KDM5C: variants seen among roughly 807,000 people sequenced by gnomAD.
The protein encoded by KDM5C is lysine demethylase 5C.
KDM5C carries 16 observed loss-of-function variants against 110.6 expected under a neutral mutation model. The observed-to-expected ratio is 0.14, with a 90% confidence interval of 0.10 to 0.22. The LOEUF (loss-of-function observed/expected upper bound fraction) is 0.22, where lower values mean the gene tolerates loss of function less well. KDM5C is among the 10% of genes least tolerant of loss of function. The pLI is 1.00. For synonymous variants in KDM5C, 511 were observed against 520.4 expected (o/e 0.98, Z 0.24); for missense variants, 681 against 1,300.9 (o/e 0.52, Z 7.33).
Position 53,198,617 on chromosome X carries a change from G to T in KDM5C, c.2389C>A (p.Leu797Ile). The change falls in exon 17 of 26, where the codon CTA becomes ATA. Residue 797 changes from leucine to isoleucine, a missense_variant. Physicochemically the swap from Leu to Ile is conservative, Grantham distance 5. Around this residue, in one of 14 missense-constraint regions of KDM5C, gnomAD observed 123 missense variants for 169.0 expected, o/e 0.73. Coordinates refer to ENST00000375401, the MANE Select transcript of KDM5C (RefSeq NM_004187.5). ...CTCCGCTCACGGGCTTCAGACTCTA[G>T]TGCCCTCAGTTCTTCAAGGCCTGGA... The part of the protein sequence containing the change: ...RKRSLEELRA[L>I]ESEARERRFP... The T allele has an allele frequency of 8.3e-7, 1 of 1,211,989 alleles. No homozygotes were observed. Among genetic ancestry groups the T allele is most frequent in the Non-Finnish European group, 1.1e-6 (1 of 895,570 alleles).
At chrX:53,220,955 C>A in intron 1 of KDM5C, 39 bp from the exon 2 acceptor site, 1 of 1,115,630 alleles carries the variant, frequency 9.0e-7, no homozygotes, top group Non-Finnish European at 1.2e-6. Context: ...TGAGTTATCT[C>A]AGCATAGTGT....
chrX:53,200,643 C>T (rs2073111715), intron 14 of KDM5C, among the ~76,000 whole-genome samples: 1 of 112,043 alleles, frequency 8.9e-6, no homozygotes, highest in African/African-American at 3.2e-5. Flanking sequence ...ATAGCCCACA[C>T]TCACAGGAAA....
At chrX:53,206,584 C>A (rs902211841) in intron 12 of KDM5C, among the ~76,000 whole-genome samples, 1 of 111,194 alleles carries the variant, frequency 9.0e-6, no homozygotes, top group Non-Finnish European at 1.9e-5. Flanking sequence ...AATTCTTTTG[C>A]TGGGCACGGT....
chrX:53,210,135 C>A (rs1027742586), intron 12 of KDM5C, among the ~76,000 whole-genome samples: 8 of 112,509 alleles, frequency 7.1e-5, no homozygotes, highest in Non-Finnish European at 1.5e-4. Flanking sequence ...TGCACTTCCC[C>A]ACTTCCCTCT....
intron 25 of KDM5C, among the ~76,000 whole-genome samples, chrX:53,180,666 G>A (rs782050067): frequency 1.9e-5 from 2 of 103,232 alleles, no homozygotes; most frequent in Non-Finnish European, 3.9e-5. Flanking sequence ...GGGTTCAAGC[G>A]ATTATCTTGC....
At chrX:53,211,979 A>G in intron 8 of KDM5C, 73 bp from the exon 9 acceptor site, 1 of 1,155,403 alleles carries the variant, frequency 8.7e-7, no homozygotes, top group Admixed American at 2.3e-5. Flanking sequence ...TGGAACTGGA[A>G]TATAAGGGGT....
intron 1 of KDM5C, among the ~76,000 whole-genome samples, chrX:53,223,927 A>G (rs1245889744): frequency 8.9e-6 from 1 of 112,263 alleles, no homozygotes; most frequent in African/African-American, 3.3e-5. Flanking sequence ...TGATGTGCAG[A>G]AAAGGCCTTG....
chrX:53,216,350 A>T (rs1293326127), intron 5 of KDM5C, among the ~76,000 whole-genome samples, 153 bp from the exon 6 acceptor site: 2 of 112,256 alleles, frequency 1.8e-5, no homozygotes, highest in Admixed American at 9.4e-5. Context: ...TGCTTTTTGG[A>T]GACTGAGGGT....
intron 3 of KDM5C, 109 bp from the exon 4 acceptor site, chrX:53,218,075 C>T: frequency 5.5e-6 from 5 of 915,694 alleles, no homozygotes; most frequent in Non-Finnish European, 7.8e-6. Flanking sequence ...TAGTCCCTCA[C>T]TTCACTGGGG....
In KDM5C at chrX:53,192,868, T is replaced by TCCCC; in HGVS notation, c.*98_*99insGGGG. 2 of 163,418 alleles carry TCCCC rather than the reference T, an allele frequency of 1.2e-5. No homozygotes were observed. The highest frequency in any genetic ancestry group is 1.9e-5 in the Non-Finnish European group (2 of 107,434). 13.5% of individuals were successfully genotyped at this position (163,418 alleles called of 1,213,427 possible). A position where few individuals can be genotyped will look rare whatever the true frequency, so the allele number is the denominator to read the frequency against. ...CGGGTAGCAGGGATGGCCACCCCCC[T>TCCCC]ACCCGCCCACCCCCCAAGAAGCAGG... is the stretch of plus-strand genomic sequence containing the variant. On this transcript the variant is annotated 3_prime_UTR_variant, in exon 26 of 26. Coordinates refer to ENST00000375401, the MANE Select transcript of KDM5C (RefSeq NM_004187.5).
In KDM5C at chrX:53,194,257, C is replaced by T. The variant is rs1322675151; in HGVS notation, c.3920G>A (p.Arg1307Gln). The stretch of plus-strand genomic sequence containing the variant: ...TAGCCGTTGGCGGAGCTCAGCCAGC[C>T]GTCCCAAAAGAGCAGTCACATCTTC... Reference protein sequence around the residue: ...ASEDVTALLGRLAELRQRLQA... With the variant: ...ASEDVTALLGQLAELRQRLQA... The change falls in exon 23 of 26, where the codon CGG becomes CAG. Residue 1307 changes from arginine (R) to glutamine (Q), a missense_variant. Arg to Gln is a conservative substitution (Grantham distance 43, BLOSUM62 1). Around this residue, in one of 14 missense-constraint regions of KDM5C, gnomAD observed 88 missense variants for 85.6 expected, o/e 1.03. Transcript: ENST00000375401. 5.0e-6 allele frequency: 6 copies of T among 1,212,064 alleles called. No homozygotes were observed. The highest frequency in any genetic ancestry group is 6.7e-6 in the Non-Finnish European group (6 of 895,536).
chrX:53,186,956 C>T (rs781918172), downstream of KDM5C, among the ~76,000 whole-genome samples: 4 of 112,409 alleles, frequency 3.6e-5, no homozygotes, highest in South Asian at 7.4e-4. Flanking sequence ...GAGATATTCA[C>T]GTCCCACATA....
intron 12 of KDM5C, among the ~76,000 whole-genome samples, chrX:53,207,955 C>T (rs1461892769): frequency 2.5e-5 from 2 of 81,058 alleles, no homozygotes; most frequent in African/African-American, 5.1e-5. Flanking sequence ...GGTGACAGAG[C>T]GAGACTCTGT....
chrX:53,198,404 A>T, intron 17 of KDM5C, 86 bp downstream of exon 17: 1 of 1,075,130 alleles, frequency 9.3e-7, no homozygotes, highest in South Asian at 2.0e-5. Flanking sequence ...GCCAAATGGT[A>T]TTCACAGTCT....
intron 25 of KDM5C, among the ~76,000 whole-genome samples, chrX:53,185,753 A>G (rs1252061739): frequency 8.9e-6 from 1 of 111,834 alleles, no homozygotes; most frequent in African/African-American, 3.3e-5. Flanking sequence ...CCCTAGGACC[A>G]AAATAGGTAG....
Position 53,193,567 on chromosome X carries a change from C to T in KDM5C, c.4187G>A (p.Arg1396Gln), listed in dbSNP as rs1934582503. 2 of 1,211,855 alleles carry T rather than the reference C, an allele frequency of 1.7e-6. No individual in the cohort carries two copies. The highest frequency in any genetic ancestry group is 2.2e-6 in the Non-Finnish European group (2 of 895,428). Residue 1396 changes from arginine (R) to glutamine (Q), a missense_variant, in exon 25 of 26, where the codon CGG (arginine) becomes CAG (glutamine). Physicochemically the swap from Arg to Gln is conservative, Grantham distance 43. Transcript: ENST00000375401. ...CATCATGAGCTCCTCCAAGGGGGCC[C>T]GGGTTGCCTCAGGCAGTTCCAACAC... is the stretch of plus-strand genomic sequence containing the variant. The part of the protein sequence containing the change: ...GPVLELPEAT[R>Q]APLEELMMEG...
At chrX:53,201,260 C>T (rs1353327588) in intron 14 of KDM5C, 4 of 351,583 alleles carry the variant, frequency 1.1e-5, no homozygotes, top group Non-Finnish European at 1.5e-5. Context: ...TATACCAGTA[C>T]CTGCCATGGG....
chrX:53,193,112 G>A lies in KDM5C; in HGVS notation c.4538C>T (p.Thr1513Ile). The change falls in exon 26 of 26, where the codon ACC becomes ATC. Residue 1513 changes from threonine (T) to isoleucine (I), a missense_variant. This residue lies in a region of KDM5C where 115 missense variants were observed against 120.9 expected (regional missense o/e 0.95). Transcript: ENST00000375401. ...GGEGPPAPIP[T>I]TGSPSTQENQ... ...CTCCTGGGTGCTGGGGCTGCCAGTG[G>A]TGGGGATGGGTGCAGGGGGGCCCTC... The A allele has an allele frequency of 8.3e-7, 1 of 1,210,123 alleles. No homozygotes were observed. The highest frequency in any genetic ancestry group is 1.1e-6 in the Non-Finnish European group (1 of 894,849).
At position 53,222,535 on chromosome X, in the gene KDM5C, T is replaced by C. The variant is rs781968795; in HGVS notation, c.151-1619A>G. Among the ~76,000 whole-genome samples the C allele has an allele frequency of 2.7e-5, 3 of 110,906 alleles. No individual in the cohort carries two copies. In the East Asian group the frequency reaches 8.5e-4, roughly 31 times the overall value. On this transcript the variant is annotated intron_variant, in intron 1 of 25. Coordinates refer to ENST00000375401, the MANE Select transcript of KDM5C (RefSeq NM_004187.5). ...CCTTCTTTCCTGCTGAATCAAGTTC[T>C]AGACAATCAGTGCAACATCAAGCAC...
Sources: allele counts gnomAD v4.1 joint callset (sites outside exome capture counted in the v4.1 genomes callset), GRCh38; gene constraint gnomAD v4.1.1; regional missense constraint gnomAD v4.1.1; transcripts MANE v1.5; gene names NCBI Gene and HGNC (gene_info 2026-07-23, HGNC 2026-07-21).